BACH2: variants seen among roughly 807,000 people sequenced by gnomAD.
BACH2 encodes transcription regulator protein BACH2.
A neutral mutation model predicts 61.8 loss-of-function variants in BACH2; 5 were observed. The ratio of observed to expected loss-of-function variants is 0.08; its 90% confidence interval spans 0.04 to 0.17. The LOEUF (loss-of-function observed/expected upper bound fraction) is 0.17. Among genes scored for constraint, BACH2 ranks in the 10% least tolerant of loss-of-function variants. The pLI, the probability that BACH2 is intolerant of heterozygous loss-of-function variation, is 1.00. For synonymous variants in BACH2, 446 were observed against 440.1 expected (o/e 1.01, Z -0.17); for missense variants, 824 against 1,091.1 (o/e 0.76, Z 3.45).
At chr6:90,244,592 A>AC (rs1026975614) in intron 3 of BACH2, among the ~76,000 whole-genome samples, 2 of 151,880 alleles carry the variant, frequency 1.3e-5, no homozygotes, top group Non-Finnish European at 2.9e-5. Context: ...GACAGCAACC[A>AC]CCCCCTCCCC....
At chr6:90,136,281 C>T (rs1784268991) in intron 4 of BACH2, among the ~76,000 whole-genome samples, 1 of 152,144 alleles carries the variant, frequency 6.6e-6, no homozygotes, top group African/African-American at 2.4e-5. Context: ...ATAAATAGGA[C>T]TATTAACACT....
intron 4 of BACH2, among the ~76,000 whole-genome samples, chr6:90,199,516 G>A (rs74613821): frequency 1.7e-3 from 254 of 152,018 alleles, no homozygotes; most frequent in Non-Finnish European, 2.6e-3. Flanking sequence ...ATGCCAAATC[G>A]ACCCTCTACT....
chr6:90,007,106 G>A (rs373810804), intron 6 of BACH2, among the ~76,000 whole-genome samples: 2 of 149,314 alleles, frequency 1.3e-5, no homozygotes, highest in South Asian at 2.1e-4. Context: ...ACAGGGTCTC[G>A]CCCTGTCACC....
chr6:89,950,614 T>C lies in BACH2; in HGVS notation c.1492A>G (p.Thr498Ala). 1 of 1,613,858 alleles carries C rather than the reference T, an allele frequency of 6.2e-7. No homozygotes were observed. Among genetic ancestry groups the C allele is most frequent in the East Asian group, 2.2e-5 (1 of 44,862 alleles). The part of the protein sequence containing the change: ...DHLPGRMRPN[T>A]SCPVPIKVCP... ...ACTTTGATTGGTACCGGGCAGCTGG[T>C]GTTGGGCCGCATCCTTCCTGGCAAG... Residue 498 changes from threonine (T) to alanine (A), a missense_variant, in exon 7 of 9, where the codon ACC (threonine) becomes GCC (alanine). Transcript: ENST00000257749. This position sits in a 1 kb window ranked among gnomAD's most constrained non-coding sequence, Gnocchi z 5.3.
intron 6 of BACH2, among the ~76,000 whole-genome samples, chr6:89,978,090 G>T (rs1428284398): frequency 6.6e-6 from 1 of 152,118 alleles, no homozygotes; most frequent in African/African-American, 2.4e-5. Flanking sequence ...ATACAAAAAG[G>T]GGGGAAATAA....
At chr6:90,100,708 C>A (rs989222693) in intron 4 of BACH2, among the ~76,000 whole-genome samples, 5 of 143,308 alleles carry the variant, frequency 3.5e-5, no homozygotes, top group Admixed American at 6.9e-5. Flanking sequence ...CACAGACACA[C>A]ACACACACAC....
chr6:90,026,625 T>A (rs935167430), intron 5 of BACH2, among the ~76,000 whole-genome samples: 74 of 152,212 alleles, frequency 4.9e-4, no homozygotes, highest in African/African-American at 1.6e-3. Flanking sequence ...CACTTTTGTC[T>A]GCCTATACAT....
At chr6:90,024,161 G>C (rs1437873397) in intron 5 of BACH2, among the ~76,000 whole-genome samples, 2 of 151,744 alleles carry the variant, frequency 1.3e-5, no homozygotes, top group Admixed American at 1.3e-4. Flanking sequence ...ATATATCCCA[G>C]CTCCCCCAAA....
At chr6:90,284,815 A>G (rs908698061) in intron 1 of BACH2, among the ~76,000 whole-genome samples, 2 of 152,324 alleles carry the variant, frequency 1.3e-5, no homozygotes, top group Middle Eastern at 6.8e-3. Context: ...AAGGTCTTGC[A>G]CTGTGTTATT....
intron 6 of BACH2, among the ~76,000 whole-genome samples, chr6:89,969,670 G>A (rs1054459465): frequency 2.6e-5 from 4 of 152,156 alleles, no homozygotes; most frequent in Admixed American, 2.6e-4. Flanking sequence ...CTCTACCTGA[G>A]AAACCAGTGC....
chr6:89,987,860 C>G (rs1054082985), intron 6 of BACH2, among the ~76,000 whole-genome samples: 3 of 152,146 alleles, frequency 2.0e-5, no homozygotes, highest in African/African-American at 2.4e-5. Context: ...CAGCCCAACA[C>G]GTGTTATGGT....
At chr6:90,269,184 G>A (rs1771441231) in intron 2 of BACH2, among the ~76,000 whole-genome samples, 1 of 152,076 alleles carries the variant, frequency 6.6e-6, no homozygotes, top group Admixed American at 6.6e-5. Flanking sequence ...GTGGGGCTAA[G>A]GTCTGACTAC....
At chr6:89,974,791 C>G (rs1038239773) in intron 6 of BACH2, among the ~76,000 whole-genome samples, 3 of 152,198 alleles carry the variant, frequency 2.0e-5, no homozygotes, top group Non-Finnish European at 4.4e-5. Flanking sequence ...GAGCTCAATG[C>G]ATAATTGCAT....
chr6:90,058,212 A>G (rs1780476117), intron 5 of BACH2, among the ~76,000 whole-genome samples: 1 of 152,224 alleles, frequency 6.6e-6, no homozygotes, highest in African/African-American at 2.4e-5. Flanking sequence ...ATGACTGTAT[A>G]TCTAGAAAAC....
chr6:90,155,435 T>C (rs1480915646), intron 4 of BACH2, among the ~76,000 whole-genome samples: 1 of 152,226 alleles, frequency 6.6e-6, no homozygotes, highest in Non-Finnish European at 1.5e-5. Context: ...ATAGATAACC[T>C]GAGAATGCCA....
chr6:90,126,866 C>T lies in BACH2; in HGVS notation c.-161-37757G>A, dbSNP rs189255857. ...CCAGTCTCACTGAAAATCTAACAGC[C>T]GAGTGGTCAAAAGAAAAGATAAAAC... is the stretch of plus-strand genomic sequence containing the variant. On this transcript the variant is annotated intron_variant, in intron 4 of 8. Coordinates refer to ENST00000257749, the MANE Select transcript of BACH2 (RefSeq NM_021813.4). Among the ~76,000 whole-genome samples, 245 of 152,284 alleles carry T rather than the reference C, an allele frequency of 1.6e-3. 4 individuals are homozygous for T. The South Asian group carries it at 0.03, about 19-fold the overall frequency.
intron 6 of BACH2, among the ~76,000 whole-genome samples, chr6:90,007,222 ACAC>A (rs1405138687): frequency 6.6e-6 from 1 of 152,046 alleles, no homozygotes; most frequent in Non-Finnish European, 1.5e-5. Flanking sequence ...TTATAGGCAC[ACAC>A]CACCATGCCT....
chr6:90,133,411 C>T (rs1784144219), intron 4 of BACH2, among the ~76,000 whole-genome samples: 2 of 152,146 alleles, frequency 1.3e-5, no homozygotes, highest in Non-Finnish European at 2.9e-5. Flanking sequence ...ATGCCCTCAC[C>T]TACGTTAAAT....
intron 5 of BACH2, among the ~76,000 whole-genome samples, chr6:90,013,959 T>A (rs1319369180): frequency 6.6e-6 from 1 of 152,064 alleles, no homozygotes; most frequent in Non-Finnish European, 1.5e-5. Flanking sequence ...TTTCTTATTT[T>A]TTTTTGTAGA....
Sources: allele counts gnomAD v4.1 joint callset (sites outside exome capture counted in the v4.1 genomes callset), GRCh38; gene constraint gnomAD v4.1.1; non-coding constraint Gnocchi (gnomAD v3.1); transcripts MANE v1.5; gene names NCBI Gene and HGNC (gene_info 2026-07-23, HGNC 2026-07-21).